Variants in PRKG1 observed in about 807,000 individuals in gnomAD.
PRKG1 encodes the protein cGMP-dependent protein kinase 1.
Under a neutral mutation model 88.1 loss-of-function variants are expected in PRKG1, and 35 were observed. That is an observed-to-expected ratio of 0.40 (90% confidence interval 0.30 to 0.53). The LOEUF (loss-of-function observed/expected upper bound fraction) is 0.53, where lower values mean the gene tolerates loss of function less well. PRKG1 is among the 20% of genes least tolerant of loss of function. PRKG1 has a pLI of 0.59. For missense variants in PRKG1, 540 were observed against 839.8 expected (o/e 0.64, Z 4.41); for synonymous variants, 303 against 292.5 (o/e 1.04, Z -0.37).
chr10:51,984,704 C>A (rs1844107259), intron 5 of PRKG1, among the ~76,000 whole-genome samples: 1 of 152,048 alleles, frequency 6.6e-6, no homozygotes, highest in African/African-American at 2.4e-5. Flanking sequence ...ATGTGAGAGC[C>A]ATTTTTGTGT....
chr10:52,053,503 T>A (rs1374975669), intron 5 of PRKG1, among the ~76,000 whole-genome samples: 1 of 152,208 alleles, frequency 6.6e-6, no homozygotes, highest in East Asian at 1.9e-4. Flanking sequence ...TGCAAAATAA[T>A]GTTTTATTTC....
intron 1 of PRKG1, among the ~76,000 whole-genome samples, chr10:51,101,060 A>G (rs1015829290): frequency 6.6e-6 from 1 of 151,974 alleles, no homozygotes; most frequent in Non-Finnish European, 1.5e-5. Flanking sequence ...AAAGTTGGAA[A>G]TTTTTTTTCC....
intron 2 of PRKG1, among the ~76,000 whole-genome samples, chr10:51,348,976 C>T (rs1842176636): frequency 6.6e-6 from 1 of 152,116 alleles, no homozygotes; most frequent in African/African-American, 2.4e-5. Flanking sequence ...AAATAGCTCA[C>T]TTGGCGGCAT....
intron 9 of PRKG1, among the ~76,000 whole-genome samples, chr10:52,171,818 C>T (rs1240223128): frequency 1.2e-5 from 1 of 80,024 alleles, no homozygotes. Flanking sequence ...TTTTTTGAGA[C>T]GGAGTCTCGC....
chr10:51,372,280 G>A (rs995177881), intron 2 of PRKG1, among the ~76,000 whole-genome samples: 4 of 152,100 alleles, frequency 2.6e-5, no homozygotes, highest in Admixed American at 2.0e-4. Flanking sequence ...ATTTTTGTGT[G>A]TATTGAGCTT....
intron 3 of PRKG1, among the ~76,000 whole-genome samples, chr10:51,802,993 C>G (rs1839214323): frequency 6.6e-6 from 1 of 152,094 alleles, no homozygotes; most frequent in South Asian, 2.1e-4. Context: ...TATGTACTTT[C>G]CCCACCCAGT....
In PRKG1 at chr10:52,012,152, C is replaced by T. The variant is rs1413670469; in HGVS notation, c.763-42332C>T. Among the ~76,000 whole-genome samples the T allele has an allele frequency of 2.6e-5, 4 of 151,972 alleles. No homozygotes were observed. The South Asian group carries it at 8.3e-4, about 32-fold the overall frequency. On this transcript the variant is annotated intron_variant, in intron 5 of 17. Transcript: ENST00000373980. Reference sequence around the variant, plus strand: ...CATAGTTGTCTAGTTTAGTGATATTCTATTTTTACTCTCCCTTTGCACATT... The same window carrying T: ...CATAGTTGTCTAGTTTAGTGATATTTTATTTTTACTCTCCCTTTGCACATT...
In PRKG1 at chr10:51,532,066, A is replaced by G. The variant is rs145255782; in HGVS notation, c.592+64230A>G. ...ATTTTGCTCACTATGTTAGCAGAGTATGTCTCACTTGTCTACTTTCTTGTT... is the reference window on the plus strand; with the variant it reads ...ATTTTGCTCACTATGTTAGCAGAGTGTGTCTCACTTGTCTACTTTCTTGTT... On this transcript the variant is annotated intron_variant, in intron 3 of 17. Transcript: ENST00000373980. 1.4e-3 allele frequency among the ~76,000 whole-genome samples: 210 copies of G among 152,332 alleles called. 1 individual carries two copies. The highest frequency in any genetic ancestry group is 4.6e-3 in the African/African-American group (190 of 41,574).
chr10:51,027,077 C>G (rs1263137543), intron 1 of PRKG1, among the ~76,000 whole-genome samples: 1 of 152,136 alleles, frequency 6.6e-6, no homozygotes, highest in Non-Finnish European at 1.5e-5. Context: ...ATGTGAGGCT[C>G]CTTGTTAAAA....
intron 9 of PRKG1, among the ~76,000 whole-genome samples, chr10:52,223,032 T>G (rs948537525): frequency 1.3e-5 from 2 of 152,152 alleles, no homozygotes; most frequent in African/African-American, 4.8e-5. Context: ...CCCTTTCTCT[T>G]ACTTCAGGGC....
At chr10:51,175,551 T>G (rs1224954166) in intron 2 of PRKG1, among the ~76,000 whole-genome samples, 2 of 152,056 alleles carry the variant, frequency 1.3e-5, no homozygotes, top group Non-Finnish European at 2.9e-5. Flanking sequence ...GATAAAAACA[T>G]AAAACCTCAT....
chr10:51,444,174 A>C (rs1202912179), intron 2 of PRKG1, among the ~76,000 whole-genome samples: 1 of 151,600 alleles, frequency 6.6e-6, no homozygotes, highest in East Asian at 1.9e-4. Flanking sequence ...GTAACTAGAA[A>C]TATCTAGTAT....
At chr10:51,916,911 A>T (rs778372945) in intron 5 of PRKG1, among the ~76,000 whole-genome samples, 1 of 152,258 alleles carries the variant, frequency 6.6e-6, no homozygotes, top group Non-Finnish European at 1.5e-5. Flanking sequence ...AGTAAATAAA[A>T]GTAAAATGAC....
chr10:51,727,005 T>G (rs539639451), intron 3 of PRKG1, among the ~76,000 whole-genome samples: 60 of 152,186 alleles, frequency 3.9e-4, no homozygotes, highest in Admixed American at 1.0e-3. Flanking sequence ...GGTCTCGATT[T>G]CCTGACCTCA....
chr10:52,276,996 T>C (rs1841888081), intron 12 of PRKG1, among the ~76,000 whole-genome samples: 3 of 152,170 alleles, frequency 2.0e-5, no homozygotes, highest in Admixed American at 2.0e-4. Flanking sequence ...GTTACAAATA[T>C]ATTTATATGT....
intron 10 of PRKG1, among the ~76,000 whole-genome samples, chr10:52,266,058 C>T (rs1841561985): frequency 6.6e-6 from 1 of 151,770 alleles, no homozygotes; most frequent in Non-Finnish European, 1.5e-5. Context: ...TTTTTGAGAA[C>T]AGTTATATAA....
chr10:51,201,875 C>T (rs2132056957), intron 2 of PRKG1, among the ~76,000 whole-genome samples: 1 of 152,308 alleles, frequency 6.6e-6, no homozygotes, highest in South Asian at 2.1e-4. Flanking sequence ...ATCCAGTCTA[C>T]AGTACTTTGT....
chr10:52,220,020 G>C (rs1840204211), intron 9 of PRKG1, among the ~76,000 whole-genome samples: 1 of 152,098 alleles, frequency 6.6e-6, no homozygotes, highest in Admixed American at 6.6e-5. Flanking sequence ...ATTTTAATGA[G>C]ATCCTTTCCA....
At chr10:52,015,048 G>C (rs543677991) in intron 5 of PRKG1, among the ~76,000 whole-genome samples, 1 of 152,164 alleles carries the variant, frequency 6.6e-6, no homozygotes, top group Non-Finnish European at 1.5e-5. Context: ...ACCATTTTGG[G>C]GTCTGGAGGA....
Sources: allele counts gnomAD v4.1 joint callset (sites outside exome capture counted in the v4.1 genomes callset), GRCh38; gene constraint gnomAD v4.1.1; transcripts MANE v1.5; gene names NCBI Gene and HGNC (gene_info 2026-07-23, HGNC 2026-07-21).